The following SLC25A29 variants were observed in gnomAD, a reference collection of about 807,000 sequenced individuals.
SLC25A29 encodes mitochondrial basic amino acids transporter.
In SLC25A29, 13 loss-of-function variants were observed where a neutral mutation model predicts 10.0. The ratio of observed to expected loss-of-function variants is 1.30; its 90% CI spans 0.85 to 2.07. The LOEUF (loss-of-function observed/expected upper bound fraction) is 2.07, where lower values mean the gene tolerates loss of function less well. Among genes scored for constraint, SLC25A29 ranks in the 30% most tolerant of loss-of-function variants. The pLI is 0.00. For synonymous variants in SLC25A29, 244 were observed against 221.1 expected, an observed-to-expected ratio of 1.10 and a Z score of -0.92; for missense variants, 475 against 447.6, an observed-to-expected ratio of 1.06 and a Z score of -0.55.
the SLC25A29 span, among the ~76,000 whole-genome samples, chr14:100,283,643 C>T: frequency 5.3e-5 from 8 of 151,854 alleles, no homozygotes; most frequent in Admixed American, 1.3e-4. Context: ...CCACCATGCC[C>T]GGCTAATTTT....
chr14:100,294,515 T>C (rs1202547022), intron 2 of SLC25A29: 2 of 152,228 alleles, frequency 1.3e-5, no homozygotes, highest in Admixed American at 1.3e-4. Flanking sequence ...CTAGGCAGCA[T>C]GGGACAGGGG....
chr14:100,284,868 C>T, the SLC25A29 span, among the ~76,000 whole-genome samples: 17 of 152,162 alleles, frequency 1.1e-4, no homozygotes, highest in Non-Finnish European at 2.2e-4. Flanking sequence ...GGAGAAACCT[C>T]CTCCCTACTA....
Position 100,293,002 on chromosome 14 carries a change from G to C in SLC25A29, c.193C>G (p.Pro65Ala). 1 of 1,580,294 alleles carries C rather than the reference G, an allele frequency of 6.3e-7. No homozygotes were observed. Among genetic ancestry groups the C allele is most frequent in the Non-Finnish European group, 8.6e-7 (1 of 1,164,508 alleles). The change falls in exon 4 of 4, where the codon CCG becomes GCG. Residue 65 changes from proline (P) to alanine (A), a missense_variant. By Grantham distance (27) the Pro-to-Ala change is conservative (BLOSUM62 -1). Transcript: ENST00000359232. ...TTGATGAAGGTGAGCCCCATGAGCG[G>C]CGAGCCCAGGCCCTTGTACAGGCCC... is the stretch of plus-strand genomic sequence containing the variant. ...VLGLYKGLGS[P>A]LMGLTFINAL...
intron 1 of SLC25A29, among the ~76,000 whole-genome samples, chr14:100,303,909 C>T (rs190874662): frequency 4.6e-5 from 7 of 152,170 alleles, no homozygotes; most frequent in African/African-American, 1.7e-4. Flanking sequence ...CTGAGCTTTT[C>T]TCTCTGCGCC....
At position 100,292,423 on chromosome 14, in the gene SLC25A29, C is replaced by G; in HGVS notation, c.772G>C (p.Ala258Pro). 1 of 1,577,632 alleles carries G rather than the reference C, an allele frequency of 6.3e-7. No homozygotes were observed. Among genetic ancestry groups the G allele is most frequent in the Non-Finnish European group, 8.6e-7 (1 of 1,164,458 alleles). Residue 258 changes from alanine (A) to proline (P), a missense_variant, in exon 4 of 4, where the codon GCC becomes CCC. Ala to Pro is a conservative substitution (Grantham distance 27). Transcript: ENST00000359232. ...TRGLASTLLRAFPVNAATFAT... is the reference protein window; with the variant it reads ...TRGLASTLLRPFPVNAATFAT... ...AAGGTGGCAGCGTTGACGGGGAAGGCGCGCAGCAGCGTGGACGCCAGCCCC... is the reference window on the plus strand; with the variant it reads ...AAGGTGGCAGCGTTGACGGGGAAGGGGCGCAGCAGCGTGGACGCCAGCCCC...
intron 2 of SLC25A29, chr14:100,296,269 C>CA (rs201576668): frequency 2.6e-4 from 81 of 305,856 alleles, no homozygotes; most frequent in African/African-American, 6.5e-4. Flanking sequence ...CTAATAACTT[C>CA]AAAAAAAACA....
chr14:100,303,864 G>A (rs1892728946), intron 1 of SLC25A29, among the ~76,000 whole-genome samples: 1 of 152,086 alleles, frequency 6.6e-6, no homozygotes, highest in South Asian at 2.1e-4. Context: ...TTCCCTCTTG[G>A]GGTTACCTCT....
At chr14:100,294,521 AG>A (rs1300898660) in intron 2 of SLC25A29, 1 of 152,274 alleles carries the variant, frequency 6.6e-6, no homozygotes, top group African/African-American at 2.4e-5. Flanking sequence ...AGCATGGGAC[AG>A]GGGAGGGCTT....
At chr14:100,299,509 C>A (rs1039233298) in intron 1 of SLC25A29, 2 of 986,948 alleles carry the variant, frequency 2.0e-6, no homozygotes, top group Non-Finnish European at 1.2e-6. Context: ...GTGGGAGCCA[C>A]CTTGAGCCCA....
At chr14:100,294,787 T>A (rs1044097389) in intron 2 of SLC25A29, 3 of 152,172 alleles carry the variant, frequency 2.0e-5, no homozygotes, top group African/African-American at 7.2e-5. Flanking sequence ...GTGAATGCAC[T>A]TATAAAAAAT....
At chr14:100,283,249 T>C in the SLC25A29 span, among the ~76,000 whole-genome samples, 13 of 152,214 alleles carry the variant, frequency 8.5e-5, no homozygotes, top group African/African-American at 2.7e-4. Flanking sequence ...TGTCTGATGT[T>C]CTGCAGAGCA....
chr14:100,281,612 A>G, the SLC25A29 span: 1 of 152,206 alleles, frequency 6.6e-6, no homozygotes, highest in African/African-American at 2.4e-5. Context: ...GGTTCTGGCC[A>G]TGCACTTCTT....
chr14:100,298,490 G>A, intron 2 of SLC25A29: 1 of 373,120 alleles, frequency 2.7e-6, no homozygotes, highest in South Asian at 2.3e-5. Context: ...TGGGAGATAT[G>A]AGTTTTGGTT....
chr14:100,290,386 G>C (rs958521778), downstream of SLC25A29, among the ~76,000 whole-genome samples: 1 of 152,226 alleles, frequency 6.6e-6, no homozygotes, highest in Non-Finnish European at 1.5e-5. Context: ...GAGGCCAGGA[G>C]ACCCCAGGGG....
chr14:100,292,370 G>GT lies in SLC25A29; in HGVS notation c.824dup (p.Tyr275Ter). The GT allele has an allele frequency of 6.5e-7, 1 of 1,538,014 alleles. No individual in the cohort carries two copies. Among genetic ancestry groups the GT allele is most frequent in the Non-Finnish European group, 8.7e-7 (1 of 1,146,750 alleles). The part of the protein sequence containing the change: ...TFATVTVVLT[Y>*]ARGEEAGPEG... ...CGGGCCCGGCCTCCTCGCCGCGCGC[G>GT]TAGGTGAGCACCACCGTGACGGTGG... The change falls in exon 4 of 4, where the codon TAC becomes TAAC. Residue 275 changes from tyrosine to a stop codon, truncating the protein, a stop_gained and frameshift_variant. Transcript: ENST00000359232. LOFTEE classifies it low-confidence loss of function (END_TRUNC).
At chr14:100,281,231 A>C in the SLC25A29 span, 2 of 151,532 alleles carry the variant, frequency 1.3e-5, no homozygotes, top group East Asian at 3.9e-4. Flanking sequence ...TTATTTAATT[A>C]TTCTTTAATA....
chr14:100,287,223 AG>A (rs1231939541), downstream of SLC25A29, among the ~76,000 whole-genome samples: 25 of 152,406 alleles, frequency 1.6e-4, no homozygotes, highest in Non-Finnish European at 2.9e-4. Context: ...AGGGATCAAA[AG>A]AAAAGGGAAG....
chr14:100,288,382 CAAAAAA>C (rs541814439), downstream of SLC25A29, among the ~76,000 whole-genome samples: 37 of 63,842 alleles, frequency 5.8e-4, no homozygotes, highest in East Asian at 8.1e-3. Flanking sequence ...AACTCTATCT[CAAAAAA>C]AAAAAAAAAA....
chr14:100,285,673 C>T, the SLC25A29 span, among the ~76,000 whole-genome samples: 3 of 152,034 alleles, frequency 2.0e-5, no homozygotes, highest in African/African-American at 4.8e-5. Flanking sequence ...GTGCACCCCA[C>T]CTGCCCGAGG....
Sources: gnomAD v4.1 joint callset for allele counts (sites outside exome capture counted in the v4.1 genomes callset) on GRCh38, gnomAD v4.1.1 for gene constraint, MANE v1.5 for transcripts, NCBI Gene and HGNC (gene_info 2026-07-23, HGNC 2026-07-21) for gene names.